FOXO3: variants seen among roughly 807,000 people sequenced by gnomAD.
FOXO3 encodes forkhead box O3.
FOXO3 carries 4 observed loss-of-function variants against 41.9 expected under a neutral mutation model. The ratio of observed to expected loss-of-function variants is 0.10; its 90% CI spans 0.05 to 0.22. The LOEUF is 0.22. FOXO3 is among the 10% of genes least tolerant of loss of function. FOXO3 has a pLI of 1.00. For synonymous variants in FOXO3, 318 were observed against 389.3 expected (o/e 0.82, Z 2.16); for missense variants, 534 against 906.8 (o/e 0.59, Z 5.28).
At chr6:108,641,045 G>A (rs1406364505) in intron 1 of FOXO3, among the ~76,000 whole-genome samples, 2 of 152,122 alleles carry the variant, frequency 1.3e-5, no homozygotes, top group South Asian at 4.2e-4. Context: ...GAATAGCTGG[G>A]GTTACAGGTG....
At chr6:108,675,934 G>T (rs1349027839) in intron 2 of FOXO3, among the ~76,000 whole-genome samples, 1 of 152,142 alleles carries the variant, frequency 6.6e-6, no homozygotes, top group Non-Finnish European at 1.5e-5. Context: ...AAGTTGATTG[G>T]GGTTGTTATG....
At chr6:108,579,946 C>G (rs1316086140) in intron 1 of FOXO3, among the ~76,000 whole-genome samples, 1 of 152,100 alleles carries the variant, frequency 6.6e-6, no homozygotes, top group Non-Finnish European at 1.5e-5. Flanking sequence ...GTCCTGACTT[C>G]TGTGTGCTGC....
At chr6:108,632,577 C>T (rs1401373487) in intron 1 of FOXO3, among the ~76,000 whole-genome samples, 29 of 152,134 alleles carry the variant, frequency 1.9e-4, no homozygotes, top group Non-Finnish European at 1.5e-4. Flanking sequence ...CAGGATGGGA[C>T]CTGCGGAAAT....
At position 108,560,947 on chromosome 6, in the gene FOXO3, A is replaced by G. The variant is rs1259724955; in HGVS notation, c.-262A>G. ...CTGCTGCGCCAGGTTCGCTGGCCGC[A>G]CGTCTTCAGGTCCTCCTGTTCCTGG... On this transcript the variant is annotated 5_prime_UTR_variant, in exon 1 of 3. Coordinates refer to ENST00000406360, the MANE Select transcript of FOXO3 (RefSeq NM_001455.4). 4 of 1,300,798 alleles carry G rather than the reference A, an allele frequency of 3.1e-6. No homozygotes were observed. In the African/African-American group the frequency reaches 4.7e-5, roughly 15 times the overall value. The allele number at this position is 1,300,798 out of a possible 1,614,324, so 80.6% of individuals were successfully genotyped here.
intron 1 of FOXO3, among the ~76,000 whole-genome samples, chr6:108,661,591 A>C (rs960520362): frequency 1.3e-5 from 2 of 152,202 alleles, no homozygotes; most frequent in Non-Finnish European, 1.5e-5. Flanking sequence ...CCCTGACTTC[A>C]TAGCATGACT....
At chr6:108,596,621 A>T (rs1286109358) in intron 1 of FOXO3, among the ~76,000 whole-genome samples, 1 of 152,204 alleles carries the variant, frequency 6.6e-6, no homozygotes, top group Non-Finnish European at 1.5e-5. Context: ...GGAAAGTGGA[A>T]GGTAAATAAA....
At chr6:108,577,338 A>G (rs1453205669) in intron 1 of FOXO3, among the ~76,000 whole-genome samples, 1 of 152,166 alleles carries the variant, frequency 6.6e-6, no homozygotes, top group Non-Finnish European at 1.5e-5. Context: ...GCCAACATTG[A>G]GTTGATCTCT....
At chr6:108,564,939 G>C (rs746697157) in intron 1 of FOXO3, among the ~76,000 whole-genome samples, 1 of 152,254 alleles carries the variant, frequency 6.6e-6, no homozygotes, top group South Asian at 2.1e-4. Context: ...AGTTAGTAGA[G>C]AGGTAATTAG....
chr6:108,595,278 T>A (rs536540685), intron 1 of FOXO3, among the ~76,000 whole-genome samples: 2 of 152,338 alleles, frequency 1.3e-5, no homozygotes, highest in African/African-American at 4.8e-5. Context: ...TCGGAAATAC[T>A]GGGAAGTACT....
At chr6:108,645,143 A>C (rs961451500) in intron 1 of FOXO3, among the ~76,000 whole-genome samples, 4 of 152,214 alleles carry the variant, frequency 2.6e-5, no homozygotes, top group Non-Finnish European at 2.9e-5. Context: ...TCTGGGCTTG[A>C]GTGGAGACTG....
In FOXO3 at chr6:108,575,374, T is replaced by C. The variant is rs537656577; in HGVS notation, c.621+13545T>C. ...TTTCTTCCTATTTTATTTTACTTAA[T>C]ACCTAAAAAAAAAAAAAAGAAAAGA... On this transcript the variant is annotated intron_variant, in intron 1 of 2. Coordinates refer to ENST00000406360, the MANE Select transcript of FOXO3 (RefSeq NM_001455.4). Among the ~76,000 whole-genome samples, 373 of 143,088 alleles carry C rather than the reference T, an allele frequency of 2.6e-3. 2 individuals carry two copies. Among genetic ancestry groups the C allele is most frequent in the African/African-American group, 9.3e-3 (358 of 38,384 alleles). The allele number at this position is 143,088 out of a possible 152,430, so 93.9% of individuals were successfully genotyped here. A position where few individuals can be genotyped will look rare whatever the true frequency, so the allele number is the denominator to read the frequency against.
chr6:108,564,790 G>GT (rs5878982), intron 1 of FOXO3, among the ~76,000 whole-genome samples: 73 of 147,918 alleles, frequency 4.9e-4, no homozygotes, highest in African/African-American at 1.7e-3. Flanking sequence ...TTTGTGTTTT[G>GT]TTTTTTTTTT....
chr6:108,579,651 A>G (rs1164591922), intron 1 of FOXO3, among the ~76,000 whole-genome samples: 4 of 152,132 alleles, frequency 2.6e-5, no homozygotes, highest in African/African-American at 7.2e-5. Context: ...TTCCCAAAGC[A>G]TGGGCCTCTG....
chr6:108,643,845 T>C (rs777802414), intron 1 of FOXO3, among the ~76,000 whole-genome samples: 2 of 152,202 alleles, frequency 1.3e-5, no homozygotes, highest in African/African-American at 2.4e-5. Context: ...AGATCATCTT[T>C]AGGATGGAAT....
intron 1 of FOXO3, among the ~76,000 whole-genome samples, chr6:108,619,925 G>A (rs1777620189): frequency 6.6e-6 from 1 of 152,150 alleles, no homozygotes. Context: ...TCTGTACATG[G>A]CAAGCTAAGA....
At chr6:108,614,779 G>A (rs1210849170) in intron 1 of FOXO3, among the ~76,000 whole-genome samples, 1 of 149,642 alleles carries the variant, frequency 6.7e-6, no homozygotes, top group Non-Finnish European at 1.5e-5. Flanking sequence ...ATTATATTTG[G>A]GTTTAAATCT....
intron 1 of FOXO3, among the ~76,000 whole-genome samples, chr6:108,581,276 G>A (rs954688656): frequency 3.3e-5 from 5 of 152,144 alleles, no homozygotes; most frequent in African/African-American, 1.2e-4. Context: ...GCAGTAGGAG[G>A]AGGCCAAACT....
intron 1 of FOXO3, among the ~76,000 whole-genome samples, chr6:108,570,193 G>T (rs912359325): frequency 6.6e-6 from 1 of 151,880 alleles, no homozygotes; most frequent in African/African-American, 2.4e-5. Flanking sequence ...TAGAGACGGG[G>T]CTTCACTGTG....
At chr6:108,628,560 G>C (rs978330467) in intron 1 of FOXO3, among the ~76,000 whole-genome samples, 8 of 152,146 alleles carry the variant, frequency 5.3e-5, no homozygotes, top group Admixed American at 3.9e-4. Context: ...CGGGTATTTG[G>C]GGGAGGAAGA....
Sources: allele counts gnomAD v4.1 joint callset (sites outside exome capture counted in the v4.1 genomes callset), GRCh38; gene constraint gnomAD v4.1.1; transcripts MANE v1.5; gene names NCBI Gene and HGNC (gene_info 2026-07-23, HGNC 2026-07-21).